SGMS1: variants seen among roughly 807,000 people sequenced by gnomAD.
The protein encoded by SGMS1 is sphingomyelin synthase 1, also known as phosphatidylcholine:ceramide cholinephosphotransferase 1.
In SGMS1, 13 loss-of-function variants were observed where a neutral mutation model predicts 46.2. That is an observed-to-expected ratio of 0.28 (90% CI 0.18 to 0.45). The LOEUF (loss-of-function observed/expected upper bound fraction) is 0.45, where lower values mean the gene tolerates loss of function less well. Ranked by LOEUF, SGMS1 falls within the 20% of genes least tolerant of loss-of-function variation. SGMS1 has a pLI of 1.00. For missense variants in SGMS1, 324 were observed against 519.9 expected (o/e 0.62, Z 3.66); for synonymous variants, 203 against 187.8 (o/e 1.08, Z -0.66).
upstream of SGMS1, chr10:50,625,004 C>T (rs1838909082): frequency 3.9e-6 from 4 of 1,016,572 alleles, no homozygotes; most frequent in Admixed American, 5.7e-5. Context: ...TGGGAGCTGG[C>T]GGGACCGTCC....
intron 3 of SGMS1, among the ~76,000 whole-genome samples, chr10:50,493,439 AAAGCAATTACAACAT>A (rs1837583288): frequency 6.6e-6 from 1 of 152,228 alleles, no homozygotes; most frequent in South Asian, 2.1e-4. Flanking sequence ...GAAGATGCCA[AAAGCAATTACAACAT>A]AAGCAAAAAT....
At chr10:50,375,244 A>T (rs1276471594) in intron 6 of SGMS1, among the ~76,000 whole-genome samples, 2 of 152,160 alleles carry the variant, frequency 1.3e-5, no homozygotes, top group Non-Finnish European at 2.9e-5. Context: ...CAAGGTAGAG[A>T]TTTCTGGGCT....
intron 5 of SGMS1, among the ~76,000 whole-genome samples, chr10:50,440,559 A>G (rs971818993): frequency 6.6e-6 from 1 of 152,188 alleles, no homozygotes; most frequent in Non-Finnish European, 1.5e-5. Flanking sequence ...AAGGTAAAAA[A>G]TAGCACGAAC....
intron 2 of SGMS1, among the ~76,000 whole-genome samples, chr10:50,536,336 G>GAAAC (rs908066546): frequency 6.6e-6 from 1 of 151,648 alleles, no homozygotes; most frequent in African/African-American, 2.4e-5. Context: ...AATGAACAAA[G>GAAAC]AAACAAACAA....
At chr10:50,395,034 T>C (rs940330714) in intron 6 of SGMS1, among the ~76,000 whole-genome samples, 11 of 152,180 alleles carry the variant, frequency 7.2e-5, no homozygotes, top group African/African-American at 2.7e-4. Flanking sequence ...TCTCTGGCAA[T>C]ACTTTGCGTG....
chr10:50,589,764 G>T (rs752631676), intron 2 of SGMS1, among the ~76,000 whole-genome samples: 2 of 152,164 alleles, frequency 1.3e-5, no homozygotes, highest in East Asian at 3.8e-4. Flanking sequence ...AAGCCAGCAC[G>T]CCTGGCCTAA....
intron 3 of SGMS1, among the ~76,000 whole-genome samples, chr10:50,503,340 C>T (rs1837677670): frequency 5.3e-5 from 8 of 152,194 alleles, no homozygotes; most frequent in Admixed American, 5.2e-4. Flanking sequence ...CTCCCTAGTT[C>T]CTGTCAGGCC....
intron 2 of SGMS1, among the ~76,000 whole-genome samples, chr10:50,579,219 C>T (rs1036369567): frequency 2.0e-5 from 3 of 151,814 alleles, no homozygotes; most frequent in Admixed American, 1.3e-4. Context: ...AGAAGGTAAA[C>T]GTAGGAAATA....
At position 50,344,036 on chromosome 10, in the gene SGMS1, G is replaced by C. The variant is rs570877967; in HGVS notation, c.79C>G (p.Pro27Ala). 231 of 1,614,136 alleles carry C rather than the reference G, an allele frequency of 1.4e-4. 2 individuals are homozygous for C. The South Asian group carries it at 2.4e-3, about 17-fold the overall frequency. ...TCCTGGCCTGTGAAATGCTCCAGAG[G>C]CTCACAGTATTCTGGCATAGCATTC... ...LENAMPEYCE[P>A]LEHFTGQDLI... The change falls in exon 7 of 11, where the codon CCT becomes GCT. Residue 27 changes from proline (P) to alanine (A), a missense_variant. By Grantham distance (27) the Pro-to-Ala change is conservative. Around this residue, in one of 2 missense-constraint regions of SGMS1, gnomAD observed 150 missense variants for 169.8 expected, o/e 0.88. Coordinates refer to ENST00000361781, the MANE Select transcript of SGMS1 (RefSeq NM_147156.4).
chr10:50,348,167 C>T (rs1481520561), intron 6 of SGMS1, among the ~76,000 whole-genome samples: 1 of 152,156 alleles, frequency 6.6e-6, no homozygotes, highest in Non-Finnish European at 1.5e-5. Flanking sequence ...CAGCTTCACC[C>T]ATGTCCCTGC....
At chr10:50,501,556 T>G (rs1047549264) in intron 3 of SGMS1, among the ~76,000 whole-genome samples, 1 of 152,192 alleles carries the variant, frequency 6.6e-6, no homozygotes, top group African/African-American at 2.4e-5. Flanking sequence ...CAAAAAAAAT[T>G]AGCAGGCAAT....
At chr10:50,580,858 G>A (rs764298655) in intron 2 of SGMS1, among the ~76,000 whole-genome samples, 4 of 152,170 alleles carry the variant, frequency 2.6e-5, no homozygotes, top group Non-Finnish European at 5.9e-5. Context: ...CAATGTGAAC[G>A]TGCTTAACAC....
chr10:50,571,249 A>G (rs1838334145), intron 2 of SGMS1, among the ~76,000 whole-genome samples: 1 of 152,244 alleles, frequency 6.6e-6, no homozygotes, highest in African/African-American at 2.4e-5. Context: ...GATTAAGAAA[A>G]TATATCTACA....
intron 1 of SGMS1, among the ~76,000 whole-genome samples, chr10:50,615,280 A>T (rs1481774263): frequency 6.6e-6 from 1 of 152,260 alleles, no homozygotes; most frequent in Non-Finnish European, 1.5e-5. Context: ...ATTCTGGGGC[A>T]TAAAGCCTCA....
intron 6 of SGMS1, among the ~76,000 whole-genome samples, chr10:50,345,888 C>G (rs1342094125): frequency 6.6e-6 from 1 of 152,210 alleles, no homozygotes; most frequent in East Asian, 1.9e-4. Context: ...CACATATTAA[C>G]TGCAGTTATA....
intron 6 of SGMS1, among the ~76,000 whole-genome samples, chr10:50,392,165 T>G (rs917639667): frequency 1.3e-5 from 2 of 148,336 alleles, no homozygotes; most frequent in East Asian, 2.0e-4. Flanking sequence ...AACCTGCACA[T>G]GTACTCTGAA....
At chr10:50,579,887 G>A (rs577384404) in intron 2 of SGMS1, among the ~76,000 whole-genome samples, 1 of 152,322 alleles carries the variant, frequency 6.6e-6, no homozygotes, top group African/African-American at 2.4e-5. Flanking sequence ...AGCAGGCCTA[G>A]AGAGCAAGTA....
intron 6 of SGMS1, among the ~76,000 whole-genome samples, chr10:50,427,739 C>G (rs1479691474): frequency 6.6e-6 from 1 of 152,148 alleles, no homozygotes; most frequent in Non-Finnish European, 1.5e-5. Context: ...GCACCCACAC[C>G]ATACTCTTCG....
chr10:50,405,402 G>A (rs549668826), intron 6 of SGMS1, among the ~76,000 whole-genome samples: 48 of 152,270 alleles, frequency 3.2e-4, no homozygotes, highest in African/African-American at 1.1e-3. Flanking sequence ...GAGATAGATC[G>A]AGTATCAACT....
Sources: gnomAD v4.1 joint callset for allele counts (sites outside exome capture counted in the v4.1 genomes callset) on GRCh38, gnomAD v4.1.1 for gene constraint, gnomAD v4.1.1 regional missense constraint, MANE v1.5 for transcripts, NCBI Gene and HGNC (gene_info 2026-07-23, HGNC 2026-07-21) for gene names.